The following DCC variants were observed in gnomAD, a reference collection of about 807,000 sequenced individuals.
The protein encoded by DCC is netrin receptor DCC.
In DCC, 58 loss-of-function variants were observed where a neutral mutation model predicts 172.5. The observed-to-expected ratio is 0.34, with a 90% CI of 0.27 to 0.42. The LOEUF (loss-of-function observed/expected upper bound fraction) is 0.42, where lower values mean the gene tolerates loss of function less well. Among genes scored for constraint, DCC ranks in the 10% least tolerant of loss-of-function variants. The pLI is 1.00. For synonymous variants in DCC, 709 were observed against 644.5 expected (o/e 1.10, Z -1.52); for missense variants, 1,740 against 1,791.0 (o/e 0.97, Z 0.51).
intron 1 of DCC, among the ~76,000 whole-genome samples, chr18:52,368,177 T>A (rs1984961187): frequency 6.6e-6 from 1 of 152,238 alleles, no homozygotes; most frequent in Non-Finnish European, 1.5e-5. Flanking sequence ...ATATTTACCT[T>A]GAAGGAGTAG....
At chr18:53,446,833 A>G (rs79651401) in intron 22 of DCC, among the ~76,000 whole-genome samples, 5,213 of 152,084 alleles carry the variant, frequency 0.034, 318 homozygotes, top group African/African-American at 0.12. Flanking sequence ...GTTTCTGCCA[A>G]TTTTTCCATT....
chr18:53,155,927 T>C (rs977733653), intron 7 of DCC, among the ~76,000 whole-genome samples: 2 of 152,202 alleles, frequency 1.3e-5, no homozygotes, highest in Non-Finnish European at 2.9e-5. Context: ...CTCAGGAGGC[T>C]GAGGCAGAAA....
intron 1 of DCC, among the ~76,000 whole-genome samples, chr18:52,475,801 C>T (rs1472288540): frequency 6.6e-6 from 1 of 152,132 alleles, no homozygotes; most frequent in African/African-American, 2.4e-5. Context: ...CTCAAAACAA[C>T]ATTTTTTGCC....
intron 7 of DCC, among the ~76,000 whole-genome samples, chr18:53,135,139 A>G (rs2043720575): frequency 6.6e-6 from 1 of 152,066 alleles, no homozygotes; most frequent in Non-Finnish European, 1.5e-5. Flanking sequence ...CCCTCTCTGC[A>G]CCCTTGCTTC....
chr18:53,190,542 T>C (rs148993608), intron 9 of DCC, among the ~76,000 whole-genome samples: 4,211 of 150,176 alleles, frequency 0.028, 63 homozygotes, highest in Admixed American at 0.047. Context: ...TCAGGAAAAA[T>C]GATCAAACAT....
intron 1 of DCC, among the ~76,000 whole-genome samples, chr18:52,465,906 T>C (rs1477617633): frequency 6.6e-6 from 1 of 152,196 alleles, no homozygotes; most frequent in Non-Finnish European, 1.5e-5. Flanking sequence ...TTCTAATTCT[T>C]ATCCAGATAT....
intron 1 of DCC, among the ~76,000 whole-genome samples, chr18:52,530,077 A>G (rs1466181407): frequency 1.3e-5 from 2 of 152,258 alleles, no homozygotes; most frequent in Admixed American, 6.5e-5. Context: ...TATATGATGT[A>G]TAGTATATAT....
chr18:52,918,575 C>T (rs2040073653), intron 3 of DCC, among the ~76,000 whole-genome samples: 3 of 152,232 alleles, frequency 2.0e-5, no homozygotes, highest in East Asian at 3.9e-4. Flanking sequence ...AAGAATACTA[C>T]ATGTTATTTT....
intron 7 of DCC, among the ~76,000 whole-genome samples, chr18:53,144,104 T>A (rs962900333): frequency 6.6e-6 from 1 of 152,220 alleles, no homozygotes; most frequent in Admixed American, 6.5e-5. Flanking sequence ...TTCTTCTCTT[T>A]GAATAGGTTG....
intron 5 of DCC, among the ~76,000 whole-genome samples, chr18:52,971,312 C>A (rs2041026411): frequency 1.3e-5 from 2 of 152,076 alleles, no homozygotes; most frequent in Non-Finnish European, 2.9e-5. Flanking sequence ...ATGAACAGGG[C>A]CCAGAAAATT....
intron 1 of DCC, among the ~76,000 whole-genome samples, chr18:52,394,137 G>T (rs1442687159): frequency 1.2e-4 from 19 of 152,032 alleles, no homozygotes; most frequent in Non-Finnish European, 2.9e-5. Flanking sequence ...CATACCTTCA[G>T]AAAACTTGGT....
At chr18:53,421,048 A>G (rs1418686036) in intron 21 of DCC, among the ~76,000 whole-genome samples, 1 of 152,204 alleles carries the variant, frequency 6.6e-6, no homozygotes, top group African/African-American at 2.4e-5. Context: ...GTCTCACAGA[A>G]GCATTTTAGA....
intron 1 of DCC, among the ~76,000 whole-genome samples, chr18:52,359,596 G>A (rs553575328): frequency 5.3e-5 from 8 of 152,246 alleles, no homozygotes; most frequent in Non-Finnish European, 1.0e-4. Context: ...GCCTGAAATT[G>A]AAGTAGCCAT....
chr18:52,765,761 C>G (rs192206580), intron 2 of DCC, among the ~76,000 whole-genome samples: 3 of 152,130 alleles, frequency 2.0e-5, no homozygotes, highest in Non-Finnish European at 4.4e-5. Flanking sequence ...TGGGGTAACA[C>G]GGTGGTTAGG....
chr18:52,753,760 T>A (rs753677473), intron 2 of DCC, among the ~76,000 whole-genome samples: 1 of 152,172 alleles, frequency 6.6e-6, no homozygotes, highest in Non-Finnish European at 1.5e-5. Context: ...CTGGAACCCA[T>A]GATATTGCTA....
At chr18:52,629,190 C>T (rs748770003) in intron 1 of DCC, among the ~76,000 whole-genome samples, 4 of 152,080 alleles carry the variant, frequency 2.6e-5, no homozygotes, top group Non-Finnish European at 5.9e-5. Context: ...TTTGCCCATC[C>T]GTATGTTAGG....
chr18:52,620,559 T>A (rs2034459450), intron 1 of DCC, among the ~76,000 whole-genome samples: 1 of 152,242 alleles, frequency 6.6e-6, no homozygotes, highest in African/African-American at 2.4e-5. Context: ...CATTTTCTTC[T>A]CAAAATTTTT....
chr18:53,243,266 C>G (rs761775353), intron 12 of DCC, among the ~76,000 whole-genome samples: 12 of 152,076 alleles, frequency 7.9e-5, no homozygotes, highest in Non-Finnish European at 1.5e-4. Flanking sequence ...GTAAACACCT[C>G]TTTCTTAAAG....
chr18:53,376,946 A>G (rs545996346), intron 15 of DCC, among the ~76,000 whole-genome samples: 7 of 152,244 alleles, frequency 4.6e-5, no homozygotes, highest in African/African-American at 1.2e-4. Flanking sequence ...TCAGGCCCCT[A>G]TGGTCTTTGC....
Sources: gnomAD v4.1 joint callset for allele counts (sites outside exome capture counted in the v4.1 genomes callset) on GRCh38, gnomAD v4.1.1 for gene constraint, MANE v1.5 for transcripts, NCBI Gene and HGNC (gene_info 2026-07-23, HGNC 2026-07-21) for gene names.